ZMAT4: variants seen among roughly 807,000 people sequenced by gnomAD.
ZMAT4 encodes zinc finger matrin-type 4, also known as zinc finger matrin-type protein 4.
A neutral mutation model predicts 28.7 loss-of-function variants in ZMAT4; 17 were observed. The observed-to-expected ratio is 0.59, with a 90% confidence interval of 0.41 to 0.89. The LOEUF (loss-of-function observed/expected upper bound fraction) is 0.89. Ranked by LOEUF, ZMAT4 falls within the 40% of genes least tolerant of loss-of-function variation. The pLI is 0.00. For missense variants in ZMAT4, 240 were observed against 283.8 expected (o/e 0.85, Z 1.11); for synonymous variants, 117 against 109.2 (o/e 1.07, Z -0.44).
At chr8:40,790,066 G>A (rs1814256999) in intron 2 of ZMAT4, among the ~76,000 whole-genome samples, 1 of 152,096 alleles carries the variant, frequency 6.6e-6, no homozygotes, top group Non-Finnish European at 1.5e-5. Flanking sequence ...TTTCCACCAT[G>A]AAGCTTCCCC....
chr8:40,832,592 T>C (rs918674338), intron 1 of ZMAT4, among the ~76,000 whole-genome samples: 19 of 152,176 alleles, frequency 1.2e-4, no homozygotes, highest in Non-Finnish European at 1.3e-4. Flanking sequence ...CCCTTGGCAG[T>C]GCTGACCAGC....
Position 40,691,708 on chromosome 8 carries a change from A to G in ZMAT4, c.349+5537T>C, listed in dbSNP as rs181432888. On this transcript the variant is annotated intron_variant, in intron 4 of 6. Transcript: ENST00000297737. ...TCCATTCCACACTGAATTGTGTGGC[A>G]GACACTATAGTAAGTATTTTACTTA... 1.8e-4 allele frequency among the ~76,000 whole-genome samples: 28 copies of G among 152,328 alleles called. No individual in the cohort carries two copies. The East Asian group carries it at 5.2e-3, about 28-fold the overall frequency.
chr8:40,540,218 A>G (rs900335607), intron 6 of ZMAT4, among the ~76,000 whole-genome samples: 1 of 152,146 alleles, frequency 6.6e-6, no homozygotes, highest in African/African-American at 2.4e-5. Flanking sequence ...TGCAGTGGAC[A>G]AGGAGCCTGG....
intron 3 of ZMAT4, among the ~76,000 whole-genome samples, chr8:40,706,594 C>T (rs550938362): frequency 6.6e-6 from 1 of 152,258 alleles, no homozygotes; most frequent in East Asian, 1.9e-4. Flanking sequence ...AACTCTCAAC[C>T]ACACTTTACT....
intron 3 of ZMAT4, among the ~76,000 whole-genome samples, chr8:40,716,920 C>G (rs1220059347): frequency 6.6e-6 from 1 of 152,162 alleles, no homozygotes; most frequent in East Asian, 1.9e-4. Context: ...TCACGTGGAC[C>G]TGCCTTTTCT....
chr8:40,713,380 T>A (rs1490543801), intron 3 of ZMAT4, among the ~76,000 whole-genome samples: 5 of 152,070 alleles, frequency 3.3e-5, no homozygotes, highest in African/African-American at 4.8e-5. Flanking sequence ...CATATCCTAT[T>A]TCATATAAAT....
Position 40,636,227 on chromosome 8 carries a change from G to C in ZMAT4, c.577+38477C>G, listed in dbSNP as rs537068896. ...ATACACATATACATACACACACACA[G>C]TGTGCAGCCCTTTTCATCTTGAGAA... On this transcript the variant is annotated intron_variant, in intron 5 of 6. Coordinates refer to ENST00000297737, the MANE Select transcript of ZMAT4 (RefSeq NM_024645.3). Among the ~76,000 whole-genome samples, 14 of 152,356 alleles carry C rather than the reference G, an allele frequency of 9.2e-5. No homozygotes were observed. The South Asian group carries it at 2.5e-3, about 27-fold the overall frequency.
chr8:40,792,401 C>T, intron 2 of ZMAT4, among the ~76,000 whole-genome samples: 1 of 145,186 alleles, frequency 6.9e-6, no homozygotes, highest in Non-Finnish European at 1.5e-5. Flanking sequence ...AAAATCTTGC[C>T]ATTAGCAACC....
At chr8:40,591,999 GA>G (rs1804909701) in intron 5 of ZMAT4, among the ~76,000 whole-genome samples, 1 of 151,604 alleles carries the variant, frequency 6.6e-6, no homozygotes, top group Non-Finnish European at 1.5e-5. Context: ...TAGAGGGAGG[GA>G]AAATAGAAGA....
intron 3 of ZMAT4, among the ~76,000 whole-genome samples, chr8:40,749,732 T>C (rs576790754): frequency 6.6e-6 from 1 of 152,288 alleles, no homozygotes; most frequent in Admixed American, 6.5e-5. Context: ...GAAAGTTATG[T>C]TCTTAAAAAT....
Position 40,801,355 on chromosome 8 carries a change from TATATATATATATATATAC to T in ZMAT4, c.102+24202_102+24219del, listed in dbSNP as rs1044847918. 8.6e-5 allele frequency among the ~76,000 whole-genome samples: 10 copies of T among 116,176 alleles called. 1 individual carries two copies. The South Asian group carries it at 1.1e-3, about 12-fold the overall frequency. 76.2% of individuals were successfully genotyped at this position (116,176 alleles called of 152,430 possible). A position where few individuals can be genotyped will look rare whatever the true frequency, so the allele number is the denominator to read the frequency against. ...GATACTTTCTTTAAAAAAAAAAATA[TATATATATATATATATAC>T]ATATATATATTCGGTGGGGTGCGGT... On this transcript the variant is annotated intron_variant, in intron 2 of 6. Transcript: ENST00000297737.
chr8:40,597,461 G>C (rs1197149318), intron 5 of ZMAT4, among the ~76,000 whole-genome samples: 4 of 152,140 alleles, frequency 2.6e-5, no homozygotes, highest in Non-Finnish European at 4.4e-5. Flanking sequence ...ATCTGTGTGG[G>C]GGTCGCCCTC....
At chr8:40,569,219 G>A (rs1804017329) in intron 6 of ZMAT4, among the ~76,000 whole-genome samples, 1 of 152,090 alleles carries the variant, frequency 6.6e-6, no homozygotes, top group Non-Finnish European at 1.5e-5. Context: ...CACAATCAAG[G>A]ACATGTCCAT....
At chr8:40,648,199 C>G (rs900948189) in intron 5 of ZMAT4, among the ~76,000 whole-genome samples, 2 of 152,046 alleles carry the variant, frequency 1.3e-5, no homozygotes, top group Non-Finnish European at 2.9e-5. Context: ...GAACGTATAA[C>G]TAGAATAACC....
At chr8:40,683,909 A>T (rs1227319883) in intron 4 of ZMAT4, among the ~76,000 whole-genome samples, 1 of 152,094 alleles carries the variant, frequency 6.6e-6, no homozygotes, top group East Asian at 1.9e-4. Context: ...TACAAAAAAT[A>T]CAAAAATTAG....
At chr8:40,864,906 AAAAATAT>A (rs1367155057) in intron 1 of ZMAT4, among the ~76,000 whole-genome samples, 1 of 152,212 alleles carries the variant, frequency 6.6e-6, no homozygotes, top group Non-Finnish European at 1.5e-5. Context: ...CGAAGTTCCT[AAAAATAT>A]AAAATTCAGA....
intron 1 of ZMAT4, among the ~76,000 whole-genome samples, chr8:40,839,707 C>T (rs1216934784): frequency 1.3e-5 from 2 of 152,162 alleles, no homozygotes; most frequent in Non-Finnish European, 1.5e-5. Context: ...ATGCCAGGCA[C>T]AGAAAGTCAA....
intron 3 of ZMAT4, among the ~76,000 whole-genome samples, chr8:40,754,776 C>A (rs1006578614): frequency 6.6e-6 from 1 of 152,110 alleles, no homozygotes; most frequent in African/African-American, 2.4e-5. Context: ...CTTTGAGAGG[C>A]CAAGACGGGA....
intron 1 of ZMAT4, among the ~76,000 whole-genome samples, chr8:40,887,352 C>T (rs1353079916): frequency 6.7e-6 from 1 of 148,926 alleles, no homozygotes; most frequent in African/African-American, 2.5e-5. Context: ...AGCCAGGCAT[C>T]ATGGTGGGCA....
Sources: allele counts gnomAD v4.1 joint callset (sites outside exome capture counted in the v4.1 genomes callset), GRCh38; gene constraint gnomAD v4.1.1; transcripts MANE v1.5; gene names NCBI Gene and HGNC (gene_info 2026-07-23, HGNC 2026-07-21).